Variants in OTUB2 observed in about 807,000 individuals in gnomAD.
OTUB2 encodes ubiquitin thioesterase OTUB2.
OTUB2 carries 21 observed loss-of-function variants against 25.1 expected under a neutral mutation model. The observed-to-expected ratio is 0.84, with a 90% CI of 0.59 to 1.21. OTUB2 has a LOEUF of 1.21. Among genes scored for constraint, OTUB2 ranks in the 50% most tolerant of loss-of-function variants. The pLI, the probability that OTUB2 is intolerant of heterozygous loss-of-function variation, is 0.00. For synonymous variants in OTUB2, 122 were observed against 122.8 expected, an observed-to-expected ratio of 0.99 and a Z score of 0.04; for missense variants, 283 against 298.0, an observed-to-expected ratio of 0.95 and a Z score of 0.37.
At chr14:94,041,742 T>C (rs1455604954) in intron 3 of OTUB2, among the ~76,000 whole-genome samples, 3 of 152,202 alleles carry the variant, frequency 2.0e-5, no homozygotes, top group Non-Finnish European at 4.4e-5. Flanking sequence ...ACACCAGAGC[T>C]TGCAGGCATG....
intron 3 of OTUB2, among the ~76,000 whole-genome samples, chr14:94,039,836 A>G (rs533524818): frequency 2.0e-5 from 3 of 152,166 alleles, no homozygotes; most frequent in Non-Finnish European, 4.4e-5. Flanking sequence ...GGTGAGGGCC[A>G]TGGGCCCTCC....
chr14:94,026,766 C>T (rs1170206571), intron 1 of OTUB2, among the ~76,000 whole-genome samples: 1 of 152,150 alleles, frequency 6.6e-6, no homozygotes, highest in Admixed American at 6.5e-5. Flanking sequence ...AGGTCCAGCT[C>T]GGCCCCGAGC....
chr14:94,045,838 G>T lies in OTUB2; in HGVS notation c.621G>T (p.Val207=). Residue 207 remains valine, a synonymous_variant, in exon 6 of 6, where the codon GTG becomes GTT. Coordinates refer to ENST00000203664, the MANE Select transcript of OTUB2 (RefSeq NM_023112.4). ...DEMDTALNHH[V]FPEAATPSVY... ...TGGATACCGCCCTGAACCACCACGT[G>T]TTCCCTGAGGCCGCCACCCCTTCCG... 3.7e-6 allele frequency: 6 copies of T among 1,614,224 alleles called. No homozygotes were observed. Among genetic ancestry groups the T allele is most frequent in the Non-Finnish European group, 5.1e-6 (6 of 1,180,052 alleles).
Position 94,026,402 on chromosome 14 carries a change from G to A in OTUB2, c.-136G>A. 3.9e-6 allele frequency: 5 copies of A among 1,276,944 alleles called. No homozygotes were observed. The East Asian group carries it at 1.6e-4, about 40-fold the overall frequency. 79.1% of individuals were successfully genotyped at this position (1,276,944 alleles called of 1,614,324 possible). A position where few individuals can be genotyped will look rare whatever the true frequency, so the allele number is the denominator to read the frequency against. Reference sequence around the variant, plus strand: ...CCTTTGGTTTGCGGAGCGGTCGGGTGTATTCTCCGCCGCCCCCACGCCCTC... The same window carrying A: ...CCTTTGGTTTGCGGAGCGGTCGGGTATATTCTCCGCCGCCCCCACGCCCTC... On this transcript the variant is annotated 5_prime_UTR_variant, in exon 1 of 6. Coordinates refer to ENST00000203664, the MANE Select transcript of OTUB2 (RefSeq NM_023112.4).
intron 1 of OTUB2, among the ~76,000 whole-genome samples, chr14:94,029,253 C>T (rs960371573): frequency 2.0e-5 from 3 of 152,172 alleles, no homozygotes; most frequent in Non-Finnish European, 2.9e-5. Flanking sequence ...TAGTCCCATG[C>T]ATGCATCTGT....
rs1423220343 is a variant in OTUB2 at position 94,037,389 on chromosome 14, T to A, written c.13T>A (p.Ser5Thr). 2 of 1,585,920 alleles carry A rather than the reference T, an allele frequency of 1.3e-6. No individual in the cohort carries two copies. Among genetic ancestry groups the A allele is most frequent in the Admixed American group, 3.3e-5 (2 of 59,768 alleles). Residue 5 changes from serine to threonine, a missense_variant, in exon 2 of 6, where the codon TCT becomes ACT. Ser to Thr is a moderately conservative substitution (Grantham distance 58, BLOSUM62 1). Transcript: ENST00000203664. MSET[S>T]FNLISEKCDI... ...CTTCCCTATCTTTCAGAGTGAAACA[T>A]CTTTCAACCTAATATCAGAAAAATG...
chr14:94,027,468 T>C (rs1367046992), intron 1 of OTUB2, among the ~76,000 whole-genome samples: 1 of 152,142 alleles, frequency 6.6e-6, no homozygotes, highest in African/African-American at 2.4e-5. Flanking sequence ...CAGGTTCAAG[T>C]CTCACTTCCA....
intron 1 of OTUB2, among the ~76,000 whole-genome samples, chr14:94,035,725 C>CAAGGG (rs1489904045): frequency 1.3e-5 from 2 of 152,256 alleles, no homozygotes; most frequent in East Asian, 3.9e-4. Context: ...AGTGTAAGTT[C>CAAGGG]AAGGGAGAGC....
chr14:94,029,145 A>G (rs894153481), intron 1 of OTUB2, among the ~76,000 whole-genome samples: 19 of 152,212 alleles, frequency 1.2e-4, no homozygotes, highest in Non-Finnish European at 2.4e-4. Context: ...AAACCATAAC[A>G]TAATTTTGAC....
rs1885260844 is a variant in OTUB2 at position 94,045,733 on chromosome 14, C to T, written c.516C>T (p.Ala172=). 1 of 1,614,044 alleles carries T rather than the reference C, an allele frequency of 6.2e-7. No individual in the cohort carries two copies. The highest frequency in any genetic ancestry group is 1.3e-5 in the African/African-American group (1 of 74,918). The stretch of plus-strand genomic sequence containing the variant: ...CCCTGCAGGAAGTAGAGCCCATGGC[C>T]ACGGAGTGTGACCACATCCAGATCA... The part of the protein sequence containing the change: ...DFCTHEVEPM[A]TECDHIQITA... The change falls in exon 6 of 6, where the codon GCC becomes GCT. Residue 172 remains alanine, a synonymous_variant. Transcript: ENST00000203664.
Position 94,048,022 on chromosome 14 carries a change from A to G in OTUB2, c.*2100A>G, listed in dbSNP as rs187511619. 1 of 152,108 alleles carries G rather than the reference A, an allele frequency of 6.6e-6. No individual in the cohort carries two copies. The highest frequency in any genetic ancestry group is 2.4e-5 in the African/African-American group (1 of 41,386). 9.4% of individuals were successfully genotyped at this position (152,108 alleles called of 1,614,324 possible). The stretch of plus-strand genomic sequence containing the variant: ...TCTGCTTTTCCCCTTTTTGCAAAAA[A>G]CCACTGGCCAAATCCGAACCATTGC... On this transcript the variant is annotated 3_prime_UTR_variant, in exon 6 of 6. Transcript: ENST00000203664.
At chr14:94,031,628 TG>T (rs1345954904) in intron 1 of OTUB2, among the ~76,000 whole-genome samples, 13 of 152,250 alleles carry the variant, frequency 8.5e-5, no homozygotes, top group African/African-American at 3.1e-4. Flanking sequence ...ACAGCTGTAG[TG>T]CTGGCTCCCA....
intron 3 of OTUB2, 83 bp downstream of exon 3, chr14:94,039,164 A>G (rs905762371): frequency 2.7e-6 from 3 of 1,105,382 alleles, no homozygotes; most frequent in Non-Finnish European, 4.0e-6. Context: ...TTTTCGTTAC[A>G]CTCAGGCTGG....
At chr14:94,044,512 G>C in intron 4 of OTUB2, 74 bp from the exon 5 acceptor site, 1 of 1,445,380 alleles carries the variant, frequency 6.9e-7, no homozygotes, top group Non-Finnish European at 9.4e-7. Context: ...CGCGAAGGGA[G>C]GGAGCGGAGG....
intron 1 of OTUB2, among the ~76,000 whole-genome samples, chr14:94,036,256 T>C (rs1885053177): frequency 6.6e-6 from 1 of 152,258 alleles, no homozygotes; most frequent in Non-Finnish European, 1.5e-5. Context: ...CAGTTACAAC[T>C]GGGTGTCAAC....
At chr14:94,039,691 G>A (rs762653090) in intron 3 of OTUB2, among the ~76,000 whole-genome samples, 4 of 152,190 alleles carry the variant, frequency 2.6e-5, no homozygotes, top group Non-Finnish European at 5.9e-5. Context: ...GCAGGGCAGA[G>A]CAGGGACTGC....
Position 94,026,554 on chromosome 14 carries a change from G to C in OTUB2, c.3+14G>C. Reference sequence around the variant, plus strand: ...CTGGTCACTATGGTCAGTGATCGTGGGGGATCGCGAAGGGGGAGCGGGCAG... The same window carrying C: ...CTGGTCACTATGGTCAGTGATCGTGCGGGATCGCGAAGGGGGAGCGGGCAG... On this transcript the variant is annotated intron_variant, in intron 1 of 5. Transcript: ENST00000203664. 1 of 1,244,458 alleles carries C rather than the reference G, an allele frequency of 8.0e-7. No homozygotes were observed. Among genetic ancestry groups the C allele is most frequent in the Non-Finnish European group, 1.0e-6 (1 of 990,114 alleles). 77.1% of individuals were successfully genotyped at this position (1,244,458 alleles called of 1,614,324 possible). A position where few individuals can be genotyped will look rare whatever the true frequency, so the allele number is the denominator to read the frequency against.
chr14:94,044,042 ACTT>A lies in OTUB2; in HGVS notation c.295_297del (p.Phe99del). ...GGCTTTGAGGAGCACAAGTTCAGAAACTTCTTCAATGCTGTGAGTTCACCTGGT... is the reference window on the plus strand; with the variant it reads ...GGCTTTGAGGAGCACAAGTTCAGAAACTTCAATGCTGTGAGTTCACCTGGT... On this transcript the variant is annotated inframe_deletion, in exon 4 of 6. Coordinates refer to ENST00000203664, the MANE Select transcript of OTUB2 (RefSeq NM_023112.4). The A allele has an allele frequency of 6.2e-7, 1 of 1,614,130 alleles. No homozygotes were observed. The highest frequency in any genetic ancestry group is 8.5e-7 in the Non-Finnish European group (1 of 1,179,956).
chr14:94,043,515 T>G (rs1484768778), intron 3 of OTUB2, among the ~76,000 whole-genome samples: 1 of 152,224 alleles, frequency 6.6e-6, no homozygotes, highest in African/African-American at 2.4e-5. Context: ...CAACCCAGCA[T>G]GCGCAGAGCA....
Sources: gnomAD v4.1 joint callset for allele counts (sites outside exome capture counted in the v4.1 genomes callset) on GRCh38, gnomAD v4.1.1 for gene constraint, MANE v1.5 for transcripts, NCBI Gene and HGNC (gene_info 2026-07-23, HGNC 2026-07-21) for gene names.